The following CYB5RL variants were observed in gnomAD, a reference collection of about 807,000 sequenced individuals.
CYB5RL encodes NADH-cytochrome b5 reductase-like.
CYB5RL carries 38 observed loss-of-function variants against 37.5 expected under a neutral mutation model. The ratio of observed to expected loss-of-function variants is 1.01; its 90% CI spans 0.78 to 1.33. The LOEUF (loss-of-function observed/expected upper bound fraction) is 1.33. Among genes scored for constraint, CYB5RL ranks in the 40% most tolerant of loss-of-function variants. The pLI is 0.00. For missense variants in CYB5RL, 388 were observed against 394.4 expected (o/e 0.98, Z 0.14); for synonymous variants, 141 against 151.9 (o/e 0.93, Z 0.53).
At position 54,187,806 on chromosome 1, in the gene CYB5RL, T is replaced by C. The variant is rs116710549; in HGVS notation, c.348-67A>G. ...CAAACCCTTTTAAGGCTGGGCACGG[T>C]GGCTCATGTCTGTAATCCCCACACT... On this transcript the variant is annotated intron_variant, in intron 4 of 7. Coordinates refer to ENST00000534324, the MANE Select transcript of CYB5RL (RefSeq NM_001031672.4). The C allele has an allele frequency of 4.8e-4, 677 of 1,417,346 alleles. 4 individuals are homozygous for C. The African/African-American group carries it at 8.6e-3, about 18-fold the overall frequency. 87.8% of individuals were successfully genotyped at this position (1,417,346 alleles called of 1,614,324 possible). A position where few individuals can be genotyped will look rare whatever the true frequency, so the allele number is the denominator to read the frequency against.
intron 4 of CYB5RL, among the ~76,000 whole-genome samples, chr1:54,190,379 T>A (rs758598672): frequency 2.0e-5 from 3 of 152,226 alleles, no homozygotes; most frequent in Admixed American, 2.0e-4. Context: ...TGCCTTCAAA[T>A]CCTGGCTCCA....
chr1:54,179,945 T>C (rs1461497977), intron 6 of CYB5RL: 14 of 453,876 alleles, frequency 3.1e-5, no homozygotes, highest in African/African-American at 8.0e-5. Flanking sequence ...AAAGAGTCAC[T>C]TGAAAAAGGT....
At chr1:54,180,636 T>C (rs1174433761) in intron 6 of CYB5RL, among the ~76,000 whole-genome samples, 1 of 151,974 alleles carries the variant, frequency 6.6e-6, no homozygotes, top group African/African-American at 2.4e-5. Flanking sequence ...GGTGACCCTC[T>C]TTAAGGTCAG....
Position 54,171,030 on chromosome 1 carries a change from A to C in CYB5RL, c.*3589T>G, listed in dbSNP as rs1253300167. 1.7e-5 allele frequency: 7 copies of C among 417,854 alleles called. No homozygotes were observed. Among genetic ancestry groups the C allele is most frequent in the Admixed American group, 9.8e-5 (4 of 40,846 alleles). 25.9% of individuals were successfully genotyped at this position (417,854 alleles called of 1,614,324 possible). On this transcript the variant is annotated 3_prime_UTR_variant, in exon 8 of 8. Coordinates refer to ENST00000534324, the MANE Select transcript of CYB5RL (RefSeq NM_001031672.4). Reference sequence around the variant, plus strand: ...TTAGGGGTACAATGGGCCGGCCCTCATGCTCACATGCAGATGACACTTATG... The same window carrying C: ...TTAGGGGTACAATGGGCCGGCCCTCCTGCTCACATGCAGATGACACTTATG...
chr1:54,191,713 A>G (rs1462629480), intron 3 of CYB5RL, among the ~76,000 whole-genome samples: 1 of 152,196 alleles, frequency 6.6e-6, no homozygotes, highest in Admixed American at 6.5e-5. Context: ...TGACAGTATC[A>G]CTGAGCTGAC....
chr1:54,197,039 A>G (rs552215726), intron 1 of CYB5RL, among the ~76,000 whole-genome samples: 11 of 152,302 alleles, frequency 7.2e-5, no homozygotes, highest in African/African-American at 2.6e-4. Context: ...TTGGGTAGAC[A>G]GAAGGCTCAA....
chr1:54,180,905 C>T (rs1053153521), intron 6 of CYB5RL, among the ~76,000 whole-genome samples: 3 of 151,982 alleles, frequency 2.0e-5, no homozygotes, highest in African/African-American at 7.3e-5. Context: ...GTAATCTCAG[C>T]TACTCAAGAC....
At chr1:54,187,562 G>A (rs1643911866) in intron 5 of CYB5RL, 90 bp downstream of exon 5, 3 of 1,300,670 alleles carry the variant, frequency 2.3e-6, no homozygotes, top group Non-Finnish European at 3.3e-6. Context: ...CCAGCACTGA[G>A]TTTCCTTCCC....
intron 7 of CYB5RL, among the ~76,000 whole-genome samples, chr1:54,177,794 G>A (rs535716631): frequency 6.6e-6 from 1 of 152,312 alleles, no homozygotes; most frequent in African/African-American, 2.4e-5. Flanking sequence ...CGTCTCTGTG[G>A]CTGTCACCCA....
In CYB5RL at chr1:54,179,241, A is replaced by G; in HGVS notation, c.652T>C (p.Cys218Arg). The change falls in exon 7 of 8, where the codon TGC (cysteine) becomes CGC (arginine). Residue 218 changes from cysteine (C) to arginine (R), a missense_variant. Physicochemically the swap from Cys to Arg is radical, Grantham distance 180. Coordinates refer to ENST00000534324, the MANE Select transcript of CYB5RL (RefSeq NM_001031672.4). ...NDETFVTLVG[C>R]FKTFESIYLK... ...TAGATGCTCTCAAAGGTCTTGAAGCAACCGACCAGAGTGACAAAAGTCTCG... is the reference window on the plus strand; with the variant it reads ...TAGATGCTCTCAAAGGTCTTGAAGCGACCGACCAGAGTGACAAAAGTCTCG... 1 of 1,613,838 alleles carries G rather than the reference A, an allele frequency of 6.2e-7. No homozygotes were observed.
Position 54,172,443 on chromosome 1 carries a change from G to A in CYB5RL, c.*2176C>T, listed in dbSNP as rs373883251. 1 of 149,124 alleles carries A rather than the reference G, an allele frequency of 6.7e-6. No homozygotes were observed. The highest frequency in any genetic ancestry group is 2.5e-5 in the African/African-American group (1 of 40,458). 9.2% of individuals were successfully genotyped at this position (149,124 alleles called of 1,614,324 possible). On this transcript the variant is annotated 3_prime_UTR_variant, in exon 8 of 8. Coordinates refer to ENST00000534324, the MANE Select transcript of CYB5RL (RefSeq NM_001031672.4). ...GCCTGCCGCAGCCTCCCAAAGTGCT[G>A]GGATTACAGGCATGAGCCACCGTGT...
intron 6 of CYB5RL, among the ~76,000 whole-genome samples, chr1:54,182,794 C>G (rs1014171801): frequency 7.2e-5 from 11 of 152,122 alleles, no homozygotes; most frequent in Non-Finnish European, 1.5e-4. Context: ...CTCAGGTGAT[C>G]CACCCGCCTC....
At position 54,171,904 on chromosome 1, in the gene CYB5RL, C is replaced by A. The variant is rs1659901741; in HGVS notation, c.*2715G>T. ...CTCTCAAGTTTCCAGGCGACAGGAG[C>A]CCTTTAGGCTTCTTGGCACCAAGGG... On this transcript the variant is annotated 3_prime_UTR_variant, in exon 8 of 8. Coordinates refer to ENST00000534324, the MANE Select transcript of CYB5RL (RefSeq NM_001031672.4). 1 of 175,590 alleles carries A rather than the reference C, an allele frequency of 5.7e-6. No homozygotes were observed. The highest frequency in any genetic ancestry group is 1.2e-5 in the Non-Finnish European group (1 of 80,020). 10.9% of individuals were successfully genotyped at this position (175,590 alleles called of 1,614,324 possible).
chr1:54,193,498 A>G (rs1460169764), intron 3 of CYB5RL, among the ~76,000 whole-genome samples: 2 of 152,210 alleles, frequency 1.3e-5, no homozygotes. Flanking sequence ...CAGAAGCCAG[A>G]GCACTCTAGT....
intron 1 of CYB5RL, 54 bp downstream of exon 1, chr1:54,199,922 C>T (rs1412988618): frequency 5.7e-6 from 2 of 351,702 alleles, no homozygotes; most frequent in South Asian, 5.8e-5. Context: ...TCAACCTTGT[C>T]TAAGTCCAGG....
rs1465995562 is a variant in CYB5RL at position 54,180,073 on chromosome 1, C to T, written c.541-721G>A. ...CCAACGTGGCAAAACTCCGTCTCTA[C>T]TAAAAATACAAAAATTAGCCAAGCG... On this transcript the variant is annotated intron_variant, in intron 6 of 7. Coordinates refer to ENST00000534324, the MANE Select transcript of CYB5RL (RefSeq NM_001031672.4). The T allele has an allele frequency of 6.7e-6, 3 of 446,866 alleles. No homozygotes were observed. In the East Asian group the frequency reaches 2.1e-4, roughly 32 times the overall value. 27.7% of individuals were successfully genotyped at this position (446,866 alleles called of 1,614,324 possible).
chr1:54,176,431 T>C (rs1018346464), intron 7 of CYB5RL, among the ~76,000 whole-genome samples: 3 of 152,188 alleles, frequency 2.0e-5, no homozygotes, highest in African/African-American at 7.2e-5. Context: ...CTTGGGAGAC[T>C]GAGGTAGGAG....
rs1461459000 is a variant in CYB5RL, at chr1:54,174,285, A to T, written c.*334T>A. The T allele has an allele frequency of 2.3e-5, 8 of 347,134 alleles. No homozygotes were observed. Among genetic ancestry groups the T allele is most frequent in the Non-Finnish European group, 4.4e-5 (8 of 180,916 alleles). 21.5% of individuals were successfully genotyped at this position (347,134 alleles called of 1,614,324 possible). The stretch of plus-strand genomic sequence containing the variant: ...GGAGGGGCCAGGGAAGCTCCTCCCG[A>T]CTCTTCCCCTGCCCAACTCCTACTC... On this transcript the variant is annotated 3_prime_UTR_variant, in exon 8 of 8. Transcript: ENST00000534324.
chr1:54,197,762 C>G (rs1029888045), intron 1 of CYB5RL, among the ~76,000 whole-genome samples: 13 of 152,070 alleles, frequency 8.5e-5, no homozygotes, highest in Non-Finnish European at 1.3e-4. Context: ...TGGCTCATTC[C>G]TGTAATCCCA....
Sources: allele counts gnomAD v4.1 joint callset (sites outside exome capture counted in the v4.1 genomes callset), GRCh38; gene constraint gnomAD v4.1.1; transcripts MANE v1.5; gene names NCBI Gene and HGNC (gene_info 2026-07-23, HGNC 2026-07-21).